The following FBXL7 variants were observed in gnomAD, a reference collection of about 807,000 sequenced individuals.
The protein encoded by FBXL7 is F-box and leucine rich repeat protein 7.
A neutral mutation model predicts 38.3 loss-of-function variants in FBXL7; 12 were observed. That is an observed-to-expected ratio of 0.31 (90% CI 0.20 to 0.51). FBXL7 has a LOEUF of 0.51. FBXL7 is among the 20% of genes least tolerant of loss of function. FBXL7 has a pLI of 0.98. For missense variants in FBXL7, 567 were observed against 676.4 expected (o/e 0.84, Z 1.79); for synonymous variants, 297 against 300.9 (o/e 0.99, Z 0.13).
chr5:15,902,871 T>G (rs1269743411), intron 2 of FBXL7, among the ~76,000 whole-genome samples: 7 of 152,256 alleles, frequency 4.6e-5, no homozygotes, highest in Admixed American at 4.6e-4. Context: ...TTGGCAAAGT[T>G]GCAATGATGC....
chr5:15,630,766 A>G (rs1357328001), intron 2 of FBXL7, among the ~76,000 whole-genome samples: 3 of 152,158 alleles, frequency 2.0e-5, no homozygotes, highest in African/African-American at 7.2e-5. Flanking sequence ...AATCTGATTA[A>G]TGGATTCACC....
At chr5:15,699,231 TG>T (rs1743445682) in intron 2 of FBXL7, among the ~76,000 whole-genome samples, 2 of 152,144 alleles carry the variant, frequency 1.3e-5, no homozygotes, top group Admixed American at 1.3e-4. Context: ...TACCATACAT[TG>T]GGTGGCTTAA....
intron 1 of FBXL7, among the ~76,000 whole-genome samples, chr5:15,605,023 T>C (rs1369465161): frequency 2.0e-5 from 3 of 152,164 alleles, no homozygotes; most frequent in African/African-American, 7.2e-5. Context: ...CTGTGGCCAG[T>C]AGCACTGGCC....
chr5:15,917,694 G>GAAGGAAGGAAGGAAGA (rs1287839446), intron 2 of FBXL7, among the ~76,000 whole-genome samples: 1 of 140,448 alleles, frequency 7.1e-6, no homozygotes, highest in Non-Finnish European at 1.6e-5. Context: ...AGGAAGGAAG[G>GAAGGAAGGAAGGAAGA]AAGAAAGAAA....
chr5:15,843,507 G>T (rs916517958), intron 2 of FBXL7, among the ~76,000 whole-genome samples: 1 of 152,146 alleles, frequency 6.6e-6, no homozygotes, highest in Non-Finnish European at 1.5e-5. Context: ...AGTGATCATG[G>T]AATTAAAACT....
intron 2 of FBXL7, among the ~76,000 whole-genome samples, chr5:15,635,562 G>C (rs1331019191): frequency 6.6e-6 from 1 of 152,182 alleles, no homozygotes; most frequent in Non-Finnish European, 1.5e-5. Flanking sequence ...TTAATTTATA[G>C]AGTGGATGGG....
chr5:15,632,769 C>CTA (rs1240821536), intron 2 of FBXL7, among the ~76,000 whole-genome samples: 3 of 152,120 alleles, frequency 2.0e-5, no homozygotes, highest in Non-Finnish European at 4.4e-5. Context: ...AACACAGGAT[C>CTA]AAAAACCAAA....
chr5:15,748,385 A>G (rs1214011175), intron 2 of FBXL7, among the ~76,000 whole-genome samples: 2 of 152,216 alleles, frequency 1.3e-5, no homozygotes, highest in East Asian at 3.9e-4. Flanking sequence ...CTCACCTTGA[A>G]TTATAATAAT....
At chr5:15,554,593 C>A (rs55921384) in intron 1 of FBXL7, among the ~76,000 whole-genome samples, 3,425 of 152,214 alleles carry the variant, frequency 0.023, 67 homozygotes, top group South Asian at 0.062. Flanking sequence ...ATTGTAGTTG[C>A]AAATAAAGTG....
chr5:15,873,256 T>A (rs1561165279), intron 2 of FBXL7, among the ~76,000 whole-genome samples: 1 of 152,170 alleles, frequency 6.6e-6, no homozygotes, highest in African/African-American at 2.4e-5. Context: ...GGGACACAGC[T>A]AAAGCAGTGT....
chr5:15,622,708 T>A (rs1740694955), intron 2 of FBXL7, among the ~76,000 whole-genome samples: 1 of 152,148 alleles, frequency 6.6e-6, no homozygotes, highest in Admixed American at 6.5e-5. Context: ...TTTGCTTATT[T>A]TATTTTTATT....
chr5:15,796,342 T>G (rs971446938), intron 2 of FBXL7, among the ~76,000 whole-genome samples: 1 of 152,212 alleles, frequency 6.6e-6, no homozygotes, highest in Non-Finnish European at 1.5e-5. Flanking sequence ...AAATAAAATG[T>G]TATTGGAACA....
rs78958045 is a variant in FBXL7 at position 15,768,046 on chromosome 5, C to T, written c.127+151974C>T. 3.0e-3 allele frequency among the ~76,000 whole-genome samples: 456 copies of T among 152,262 alleles called. 6 individuals carry two copies. The highest frequency in any genetic ancestry group is 0.01 in the African/African-American group (435 of 41,548). ...AGTATTTGAAATATATACAATAGAT[C>T]TCACTGCTTTGGTTAACAAGTCCAC... is the stretch of plus-strand genomic sequence containing the variant. On this transcript the variant is annotated intron_variant, in intron 2 of 3. Transcript: ENST00000504595.
At position 15,500,427 on chromosome 5, in the gene FBXL7, C is replaced by T. The variant is rs984908753; in HGVS notation, c.-250C>T. 4 of 462,806 alleles carry T rather than the reference C, an allele frequency of 8.6e-6. No homozygotes were observed. Among genetic ancestry groups the T allele is most frequent in the Non-Finnish European group, 1.5e-5 (4 of 263,542 alleles). 28.7% of individuals were successfully genotyped at this position (462,806 alleles called of 1,614,324 possible). On this transcript the variant is annotated 5_prime_UTR_variant, in exon 1 of 4. Coordinates refer to ENST00000504595, the MANE Select transcript of FBXL7 (RefSeq NM_012304.5). ...TGTGCGCGGCGCTGCGCCCGCCGGC[C>T]CCCAGCGCGGATTGTAAGTGCTGCA...
intron 1 of FBXL7, among the ~76,000 whole-genome samples, chr5:15,594,542 C>T (rs1460598553): frequency 6.6e-6 from 1 of 152,202 alleles, no homozygotes; most frequent in Non-Finnish European, 1.5e-5. Context: ...ATGACTGCTA[C>T]TCCCAGCTCA....
chr5:15,748,702 T>G (rs1009796382), intron 2 of FBXL7, among the ~76,000 whole-genome samples: 4 of 152,166 alleles, frequency 2.6e-5, no homozygotes, highest in Non-Finnish European at 4.4e-5. Flanking sequence ...GGCTAATTTT[T>G]TTTGTTTGTT....
rs550772382 is a variant in FBXL7 at position 15,890,441 on chromosome 5, A to G, written c.128-37449A>G. Among the ~76,000 whole-genome samples, 58 of 152,102 alleles carry G rather than the reference A, an allele frequency of 3.8e-4. 1 individual carries two copies. Among genetic ancestry groups the G allele is most frequent in the Admixed American group, 1.3e-4 (2 of 15,266 alleles). On this transcript the variant is annotated intron_variant, in intron 2 of 3. Coordinates refer to ENST00000504595, the MANE Select transcript of FBXL7 (RefSeq NM_012304.5). ...TTTTTAGTACAGACGGGGTTTCTCCATGTTGGTCAGGCTGCTCTTGAACTC... is the reference window on the plus strand; with the variant it reads ...TTTTTAGTACAGACGGGGTTTCTCCGTGTTGGTCAGGCTGCTCTTGAACTC...
intron 2 of FBXL7, among the ~76,000 whole-genome samples, chr5:15,750,491 C>G (rs917292259): frequency 1.3e-5 from 2 of 152,176 alleles, no homozygotes; most frequent in Non-Finnish European, 2.9e-5. Flanking sequence ...CATGTTACCC[C>G]CTATAGGACT....
rs1356150689 is a variant in FBXL7, at chr5:15,756,808, TC to T, written c.127+140738del. Among the ~76,000 whole-genome samples, 5 of 152,172 alleles carry T rather than the reference TC, an allele frequency of 3.3e-5. 1 individual carries two copies. In the East Asian group the frequency reaches 9.6e-4, roughly 29 times the overall value. On this transcript the variant is annotated intron_variant, in intron 2 of 3. Coordinates refer to ENST00000504595, the MANE Select transcript of FBXL7 (RefSeq NM_012304.5). ...CCTCCTTCTCAAAAGTTTTCATGGA[TC>T]CAAGCTATTCTTAAGCATTGTTTAA...
Sources: allele counts gnomAD v4.1 joint callset (sites outside exome capture counted in the v4.1 genomes callset), GRCh38; gene constraint gnomAD v4.1.1; transcripts MANE v1.5; gene names NCBI Gene and HGNC (gene_info 2026-07-23, HGNC 2026-07-21).